The following C3orf52 variants were observed in gnomAD, a reference collection of about 807,000 sequenced individuals.
C3orf52 encodes the protein chromosome 3 open reading frame 52.
C3orf52 carries 22 observed loss-of-function variants against 24.8 expected under a neutral mutation model. The observed-to-expected ratio is 0.89, with a 90% confidence interval of 0.63 to 1.27. The LOEUF (loss-of-function observed/expected upper bound fraction) is 1.27. Among genes scored for constraint, C3orf52 ranks in the 50% most tolerant of loss-of-function variants. The pLI, the probability that C3orf52 is intolerant of heterozygous loss-of-function variation, is 0.00. For missense variants in C3orf52, 265 were observed against 260.7 expected, an observed-to-expected ratio of 1.02 and a Z score of -0.11; for synonymous variants, 93 against 100.2, an observed-to-expected ratio of 0.93 and a Z score of 0.43.
chr3:112,086,506 G>T lies in C3orf52; in HGVS notation c.99G>T (p.Lys33Asn). The T allele has an allele frequency of 6.4e-7, 1 of 1,551,470 alleles. No homozygotes were observed. The highest frequency in any genetic ancestry group is 8.7e-7 in the Non-Finnish European group (1 of 1,146,842). ...EENTPLNGAD[K>N]VFPSLDEEVP... ...ACACGCCTCTCAATGGTGCCGACAA[G>T]GTCTTCCCTTCTTTGGACGAGGAGG... The change falls in exon 1 of 6, where the codon AAG becomes AAT. Residue 33 changes from lysine to asparagine, a missense_variant. Transcript: ENST00000264848.
At position 112,115,147 on chromosome 3, in the gene C3orf52, T is replaced by C. The variant is rs2074122800; in HGVS notation, c.650-1495T>C. ...ATGTGGGGTTTTCTGTGACCCCATG[T>C]CCCACTTTCCAGAGCATGAATGTGC... On this transcript the variant is annotated intron_variant, in intron 5 of 5. Transcript: ENST00000264848. 1.3e-5 allele frequency among the ~76,000 whole-genome samples: 2 copies of C among 152,228 alleles called. 1 individual carries two copies. The highest frequency in any genetic ancestry group is 4.1e-4 in the South Asian group (2 of 4,826).
intron 1 of C3orf52, among the ~76,000 whole-genome samples, chr3:112,086,908 T>C (rs1033928839): frequency 6.6e-6 from 1 of 152,220 alleles, no homozygotes; most frequent in African/African-American, 2.4e-5. Context: ...AGAATGAGAA[T>C]GACAAATTGA....
At chr3:112,130,584 T>C, downstream of C3orf52, 3 of 1,356,088 alleles carry the variant, frequency 2.2e-6, no homozygotes, top group Non-Finnish European at 2.1e-6. Context: ...TCATAATTTT[T>C]CCGACTTTCC....
At chr3:112,101,695 C>T (rs1028698016) in intron 2 of C3orf52, among the ~76,000 whole-genome samples, 9 of 152,170 alleles carry the variant, frequency 5.9e-5, no homozygotes, top group South Asian at 2.1e-4. Flanking sequence ...AATAAGTAAC[C>T]GGAATACCAG....
At chr3:112,132,580 G>A (rs1169603584), downstream of C3orf52, 1 of 830,830 alleles carries the variant, frequency 1.2e-6, no homozygotes, top group African/African-American at 1.8e-5. Context: ...AAGAGGCTGA[G>A]GTCCAGAAAG....
chr3:112,110,716 T>C (rs763915955), intron 4 of C3orf52, among the ~76,000 whole-genome samples: 3 of 152,238 alleles, frequency 2.0e-5, no homozygotes, highest in Non-Finnish European at 2.9e-5. Flanking sequence ...ATGCCTGAGA[T>C]GTCTCTGGAA....
chr3:112,134,693 T>G (rs2074532305), downstream of C3orf52: 1 of 152,288 alleles, frequency 6.6e-6, no homozygotes. Context: ...TTATATGTGC[T>G]TTACTCATAA....
chr3:112,116,616 T>G, intron 5 of C3orf52, 26 bp from the exon 6 acceptor site: 3 of 1,526,320 alleles, frequency 2.0e-6, no homozygotes, highest in East Asian at 2.3e-5. Context: ...ATCAGTAACT[T>G]TTGTTCATCT....
intron 4 of C3orf52, 76 bp from the exon 5 acceptor site, chr3:112,112,888 A>T: frequency 7.9e-7 from 1 of 1,260,998 alleles, no homozygotes; most frequent in Admixed American, 1.9e-5. Flanking sequence ...AAAAAAAAAA[A>T]AGTTATTGCT....
At chr3:112,096,556 G>T (rs1321016592) in intron 2 of C3orf52, among the ~76,000 whole-genome samples, 2 of 152,210 alleles carry the variant, frequency 1.3e-5, no homozygotes, top group East Asian at 3.8e-4. Context: ...CCAGAGCTGG[G>T]ATTAATCAGA....
At chr3:112,095,319 G>C (rs763021689) in intron 2 of C3orf52, among the ~76,000 whole-genome samples, 8 of 152,196 alleles carry the variant, frequency 5.3e-5, no homozygotes, top group Non-Finnish European at 1.0e-4. Context: ...AAATGAGGTT[G>C]AGTAGCACAA....
intron 3 of C3orf52, among the ~76,000 whole-genome samples, chr3:112,107,807 G>A (rs2107785597): frequency 6.6e-6 from 1 of 151,876 alleles, no homozygotes. Context: ...AGCAGAAATA[G>A]CAGGCACTCT....
chr3:112,123,327 C>T, intron 4 of C3orf52: 1 of 1,485,042 alleles, frequency 6.7e-7, no homozygotes, highest in East Asian at 2.4e-5. Context: ...ACAAACCATG[C>T]TCTGCAGGGA....
intron 1 of C3orf52, among the ~76,000 whole-genome samples, chr3:112,092,124 G>A (rs1042990804): frequency 2.0e-5 from 3 of 152,212 alleles, no homozygotes; most frequent in Non-Finnish European, 4.4e-5. Flanking sequence ...GAACGCTGAG[G>A]AATGACTGAG....
At chr3:112,108,966 G>T (rs756774033) in intron 3 of C3orf52, among the ~76,000 whole-genome samples, 1 of 152,144 alleles carries the variant, frequency 6.6e-6, no homozygotes, top group Non-Finnish European at 1.5e-5. Context: ...AGACATGAAA[G>T]CTAGGTAGTG....
chr3:112,102,983 A>T lies in C3orf52; in HGVS notation c.396+18A>T. 6.2e-7 allele frequency: 1 copy of T among 1,610,360 alleles called. No individual in the cohort carries two copies. The highest frequency in any genetic ancestry group is 8.5e-7 in the Non-Finnish European group (1 of 1,177,976). ...CCGAAAGGGTAATTCCATCTTATATATTGCCTAAGGAGTTCTTGACATTAG... is the reference window on the plus strand; with the variant it reads ...CCGAAAGGGTAATTCCATCTTATATTTTGCCTAAGGAGTTCTTGACATTAG... On this transcript the variant is annotated intron_variant, in intron 3 of 5. Coordinates refer to ENST00000264848, the MANE Select transcript of C3orf52 (RefSeq NM_024616.3).
downstream of C3orf52, chr3:112,130,762 A>C: frequency 1.9e-6 from 1 of 521,108 alleles, no homozygotes; most frequent in South Asian, 2.1e-5. Flanking sequence ...AGTGATCCTA[A>C]ATCATCTGAT....
downstream of C3orf52, among the ~76,000 whole-genome samples, chr3:112,119,809 G>C (rs988946428): frequency 2.6e-5 from 4 of 152,216 alleles, no homozygotes; most frequent in Non-Finnish European, 1.5e-5. Context: ...AGAGATTACA[G>C]ACTCAGCTTC....
chr3:112,098,113 A>G (rs985191027), intron 2 of C3orf52, among the ~76,000 whole-genome samples: 1 of 152,052 alleles, frequency 6.6e-6, no homozygotes, highest in Non-Finnish European at 1.5e-5. Context: ...CCCTTCTTTC[A>G]CTGGCACACT....
Sources: allele counts gnomAD v4.1 joint callset (sites outside exome capture counted in the v4.1 genomes callset), GRCh38; gene constraint gnomAD v4.1.1; transcripts MANE v1.5; gene names NCBI Gene and HGNC (gene_info 2026-07-23, HGNC 2026-07-21).